The following CTIF variants were observed in gnomAD, a reference collection of about 807,000 sequenced individuals.
CTIF encodes CBP80/20-dependent translation initiation factor.
In CTIF, 21 loss-of-function variants were observed where a neutral mutation model predicts 66.0. That is an observed-to-expected ratio of 0.32 (90% confidence interval 0.23 to 0.46). The LOEUF (loss-of-function observed/expected upper bound fraction) is 0.46. Among genes scored for constraint, CTIF ranks in the 20% least tolerant of loss-of-function variants. The pLI is 1.00. For missense variants in CTIF, 739 were observed against 812.7 expected, an observed-to-expected ratio of 0.91 and a Z score of 1.10; for synonymous variants, 345 against 326.4, an observed-to-expected ratio of 1.06 and a Z score of -0.62.
intron 7 of CTIF, among the ~76,000 whole-genome samples, chr18:48,732,279 A>G (rs1398821435): frequency 6.6e-6 from 1 of 152,214 alleles, no homozygotes; most frequent in African/African-American, 2.4e-5. Flanking sequence ...ACCCAGGAGT[A>G]GCCAGTGATG....
intron 1 of CTIF, among the ~76,000 whole-genome samples, chr18:48,617,063 C>A (rs1213629841): frequency 6.6e-6 from 1 of 152,230 alleles, no homozygotes; most frequent in African/African-American, 2.4e-5. Flanking sequence ...AAGTTGAATT[C>A]TTAGCTGGAG....
At chr18:48,564,378 C>G (rs980762846) in intron 1 of CTIF, among the ~76,000 whole-genome samples, 1 of 152,108 alleles carries the variant, frequency 6.6e-6, no homozygotes, top group Non-Finnish European at 1.5e-5. Context: ...TGTCACAGCC[C>G]GGGGACAGCC....
intron 1 of CTIF, among the ~76,000 whole-genome samples, chr18:48,572,338 C>G (rs1374417086): frequency 6.6e-6 from 1 of 152,152 alleles, no homozygotes; most frequent in East Asian, 1.9e-4. Context: ...GCACCATAGC[C>G]TCCCCAAGTC....
At chr18:48,642,568 T>C (rs1366847464) in intron 3 of CTIF, among the ~76,000 whole-genome samples, 2 of 151,806 alleles carry the variant, frequency 1.3e-5, no homozygotes, top group South Asian at 4.2e-4. Context: ...TGCAGAGGGG[T>C]CTGTGTGTGG....
chr18:48,681,893 C>T (rs1164383894), intron 6 of CTIF, among the ~76,000 whole-genome samples: 1 of 152,182 alleles, frequency 6.6e-6, no homozygotes, highest in Admixed American at 6.5e-5. Flanking sequence ...TCAAGCAATT[C>T]TCCTACCTCA....
chr18:48,854,532 C>T (rs571317475), intron 10 of CTIF, among the ~76,000 whole-genome samples: 1 of 152,318 alleles, frequency 6.6e-6, no homozygotes, highest in African/African-American at 2.4e-5. Context: ...TTGCTCTCTG[C>T]CCCTGCTGCT....
intron 7 of CTIF, chr18:48,755,559 C>A (rs1261587551): frequency 6.6e-6 from 1 of 152,202 alleles, no homozygotes; most frequent in East Asian, 1.9e-4. Flanking sequence ...CTCCTACCTG[C>A]CATGGGGAGT....
intron 10 of CTIF, among the ~76,000 whole-genome samples, chr18:48,840,675 C>T (rs1253064550): frequency 6.6e-6 from 1 of 152,168 alleles, no homozygotes; most frequent in Non-Finnish European, 1.5e-5. Context: ...GAGCACAATG[C>T]TAATTATGCC....
chr18:48,813,133 C>A (rs2068295539), intron 9 of CTIF, among the ~76,000 whole-genome samples: 1 of 152,116 alleles, frequency 6.6e-6, no homozygotes, highest in Non-Finnish European at 1.5e-5. Context: ...CCTTTACTGC[C>A]TCCAATTCAT....
At chr18:48,621,587 G>A (rs776337003) in intron 2 of CTIF, 81 of 383,952 alleles carry the variant, frequency 2.1e-4, no homozygotes, top group Non-Finnish European at 3.7e-4. Context: ...GAGCCCAGGA[G>A]GGGAGTCGAG....
At chr18:48,757,849 G>A (rs978021923) in intron 7 of CTIF, 70 bp from the exon 8 acceptor site, 56 of 1,534,150 alleles carry the variant, frequency 3.7e-5, no homozygotes, top group African/African-American at 5.5e-5. Context: ...CTGTTCTGGC[G>A]GCTGGGCACA....
At chr18:48,808,516 C>CT (rs34004475) in intron 9 of CTIF, among the ~76,000 whole-genome samples, 2,969 of 135,526 alleles carry the variant, frequency 0.022, 50 homozygotes, top group Middle Eastern at 0.049. Flanking sequence ...ATTTTTGGTC[C>CT]TTTTTTTTTT....
chr18:48,826,173 T>C (rs140365007), intron 10 of CTIF: 1 of 152,314 alleles, frequency 6.6e-6, no homozygotes, highest in African/African-American at 2.4e-5. Flanking sequence ...AGGCTTAAAA[T>C]AAGCGAGGTG....
At chr18:48,681,588 A>C (rs188749016) in intron 6 of CTIF, among the ~76,000 whole-genome samples, 8 of 152,168 alleles carry the variant, frequency 5.3e-5, no homozygotes, top group African/African-American at 1.9e-4. Context: ...CTCAGGGCCT[A>C]TGGAAAACCC....
intron 3 of CTIF, among the ~76,000 whole-genome samples, chr18:48,655,737 G>A (rs1200446776): frequency 6.6e-6 from 1 of 152,158 alleles, no homozygotes; most frequent in Admixed American, 6.5e-5. Context: ...TAGCAGGCCT[G>A]CTAGGGAAAT....
chr18:48,611,300 G>A (rs756754617), intron 1 of CTIF, among the ~76,000 whole-genome samples: 4 of 152,338 alleles, frequency 2.6e-5, no homozygotes, highest in Non-Finnish European at 4.4e-5. Flanking sequence ...CATGTCATGC[G>A]CCTGGCCCTG....
Position 48,758,205 on chromosome 18 carries a change from C to A in CTIF, c.871C>A (p.His291Asn), listed in dbSNP as rs534429608. ...KLEDTAGDTG[H>N]SSLEAPRSPD... ...GGAGGACACTGCAGGGGACACCGGGCACAGCAGCCTTGAGGCCCCCCGCAG... is the reference window on the plus strand; with the variant it reads ...GGAGGACACTGCAGGGGACACCGGGAACAGCAGCCTTGAGGCCCCCCGCAG... Residue 291 changes from histidine to asparagine, a missense_variant, in exon 8 of 12, where the codon CAC becomes AAC. By Grantham distance (68) the His-to-Asn change is moderately conservative. Coordinates refer to ENST00000256413, the MANE Select transcript of CTIF (RefSeq NM_014772.3). 1 of 1,613,660 alleles carries A rather than the reference C, an allele frequency of 6.2e-7. No individual in the cohort carries two copies. The highest frequency in any genetic ancestry group is 1.3e-5 in the African/African-American group (1 of 74,986).
chr18:48,596,560 C>T (rs957573047), intron 1 of CTIF, among the ~76,000 whole-genome samples: 1 of 151,892 alleles, frequency 6.6e-6, no homozygotes, highest in African/African-American at 2.4e-5. Context: ...GGCTCACTAC[C>T]TCTGCCTCCC....
chr18:48,608,442 T>C (rs2090244835), intron 1 of CTIF, among the ~76,000 whole-genome samples: 1 of 151,592 alleles, frequency 6.6e-6, no homozygotes, highest in South Asian at 2.1e-4. Flanking sequence ...CTCTGCTTTG[T>C]GACTGTGCTC....
Sources: allele counts gnomAD v4.1 joint callset (sites outside exome capture counted in the v4.1 genomes callset), GRCh38; gene constraint gnomAD v4.1.1; transcripts MANE v1.5; gene names NCBI Gene and HGNC (gene_info 2026-07-23, HGNC 2026-07-21).